CDH12: variants seen among roughly 807,000 people sequenced by gnomAD.
The protein encoded by CDH12 is cadherin-12.
Under a neutral mutation model 74.1 loss-of-function variants are expected in CDH12, and 41 were observed. The ratio of observed to expected loss-of-function variants is 0.55; its 90% confidence interval spans 0.43 to 0.72. The LOEUF is 0.72. Ranked by LOEUF, CDH12 falls within the 30% of genes least tolerant of loss-of-function variation. CDH12 has a pLI of 0.00. For missense variants in CDH12, 945 were observed against 977.2 expected, an observed-to-expected ratio of 0.97 and a Z score of 0.44; for synonymous variants, 399 against 355.0, an observed-to-expected ratio of 1.12 and a Z score of -1.39.
intron 3 of CDH12, among the ~76,000 whole-genome samples, chr5:22,369,895 G>A (rs1741202332): frequency 6.6e-6 from 1 of 152,056 alleles, no homozygotes; most frequent in South Asian, 2.1e-4. Context: ...GAAAATTTGT[G>A]ATCAATCACA....
chr5:22,639,041 A>G (rs1249767942), intron 1 of CDH12: 1 of 116,740 alleles, frequency 8.6e-6, no homozygotes. Flanking sequence ...TCAGAGTGAG[A>G]GTCCGCCTCA....
chr5:21,824,267 G>A (rs1232189027), intron 8 of CDH12, among the ~76,000 whole-genome samples: 1 of 152,000 alleles, frequency 6.6e-6, no homozygotes, highest in African/African-American at 2.4e-5. Context: ...AGGCAGCAAA[G>A]TTAGGAGGCT....
chr5:22,074,444 A>G (rs1031726492), intron 5 of CDH12, among the ~76,000 whole-genome samples: 2 of 152,192 alleles, frequency 1.3e-5, no homozygotes, highest in Non-Finnish European at 2.9e-5. Flanking sequence ...AATGGCAACA[A>G]AAGACAAAAT....
intron 3 of CDH12, among the ~76,000 whole-genome samples, chr5:22,363,847 G>A (rs930564752): frequency 2.6e-5 from 4 of 152,196 alleles, no homozygotes; most frequent in African/African-American, 2.4e-5. Context: ...CTGATCATCT[G>A]TTCTTAGATA....
Position 22,370,824 on chromosome 5 carries a change from T to C in CDH12, c.-333+34433A>G, listed in dbSNP as rs1409813806. Reference sequence around the variant, plus strand: ...CCAGGAGCTAGATAACCTGACCTGTTCTGCCTTCAACAGCAAAAAAATCAT... The same window carrying C: ...CCAGGAGCTAGATAACCTGACCTGTCCTGCCTTCAACAGCAAAAAAATCAT... On this transcript the variant is annotated intron_variant, in intron 3 of 14. Transcript: ENST00000382254. Among the ~76,000 whole-genome samples the C allele has an allele frequency of 3.3e-5, 5 of 152,260 alleles. No individual in the cohort carries two copies. In the East Asian group the frequency reaches 7.7e-4, roughly 24 times the overall value.
chr5:21,883,193 A>G (rs1579903076), intron 6 of CDH12: 3 of 1,429,172 alleles, frequency 2.1e-6, no homozygotes, highest in East Asian at 2.3e-5. Context: ...TCATCACAGT[A>G]AAGGATGGAA....
chr5:22,502,955 C>A (rs1259681182), intron 2 of CDH12, among the ~76,000 whole-genome samples: 2 of 152,056 alleles, frequency 1.3e-5, no homozygotes, highest in African/African-American at 4.8e-5. Flanking sequence ...ATATCCTCTT[C>A]TTTACATATT....
chr5:22,294,928 A>G (rs1267187639), intron 3 of CDH12, among the ~76,000 whole-genome samples: 1 of 152,190 alleles, frequency 6.6e-6, no homozygotes, highest in Non-Finnish European at 1.5e-5. Context: ...AATCCCTATG[A>G]AATGTAATCA....
intron 5 of CDH12, among the ~76,000 whole-genome samples, chr5:22,065,130 A>G (rs2150210161): frequency 6.6e-6 from 1 of 152,244 alleles, no homozygotes; most frequent in African/African-American, 2.4e-5. Flanking sequence ...TTACCTTGCA[A>G]GACTGCTGAG....
At chr5:22,768,476 G>A (rs1032616647) in intron 1 of CDH12, among the ~76,000 whole-genome samples, 3 of 152,060 alleles carry the variant, frequency 2.0e-5, no homozygotes, top group Non-Finnish European at 4.4e-5. Context: ...GGTTTAAGGT[G>A]TAGAATGTGA....
At chr5:22,522,945 T>C (rs1737118255) in intron 1 of CDH12, among the ~76,000 whole-genome samples, 1 of 152,174 alleles carries the variant, frequency 6.6e-6, no homozygotes, top group Admixed American at 6.6e-5. Context: ...AAAGAGTCTA[T>C]GTCCCTGGAC....
intron 10 of CDH12, among the ~76,000 whole-genome samples, chr5:21,783,971 A>T (rs976170471): frequency 2.0e-5 from 3 of 152,162 alleles, no homozygotes; most frequent in Non-Finnish European, 4.4e-5. Flanking sequence ...TTTTTAACTG[A>T]CAATTTGGTA....
intron 4 of CDH12, among the ~76,000 whole-genome samples, chr5:22,102,093 A>G (rs1744170315): frequency 6.6e-6 from 1 of 152,180 alleles, no homozygotes; most frequent in South Asian, 2.1e-4. Flanking sequence ...GAAAATATAT[A>G]TTTATAAAGT....
intron 6 of CDH12, among the ~76,000 whole-genome samples, chr5:21,886,057 C>T (rs532742617): frequency 1.3e-5 from 2 of 152,128 alleles, no homozygotes; most frequent in African/African-American, 4.8e-5. Flanking sequence ...TGGTTAAGCA[C>T]CATTTTTGTT....
intron 5 of CDH12, among the ~76,000 whole-genome samples, chr5:21,975,762 A>ATAGC (rs994410927): frequency 2.0e-5 from 3 of 152,166 alleles, no homozygotes; most frequent in Non-Finnish European, 4.4e-5. Context: ...AACCTCAGAT[A>ATAGC]TAGCAACAGG....
intron 9 of CDH12, among the ~76,000 whole-genome samples, chr5:21,804,911 T>C (rs1412205575): frequency 2.6e-5 from 4 of 152,142 alleles, no homozygotes; most frequent in Non-Finnish European, 4.4e-5. Context: ...ATGTGTAAGA[T>C]AGAAGCGTGC....
At chr5:22,311,503 A>G (rs1162032916) in intron 3 of CDH12, among the ~76,000 whole-genome samples, 1 of 151,938 alleles carries the variant, frequency 6.6e-6, no homozygotes, top group Non-Finnish European at 1.5e-5. Flanking sequence ...GGAGTTAGAG[A>G]CCAGCCTGAC....
intron 1 of CDH12, among the ~76,000 whole-genome samples, chr5:22,667,076 G>A (rs1249380912): frequency 6.6e-6 from 1 of 152,194 alleles, no homozygotes; most frequent in Non-Finnish European, 1.5e-5. Context: ...TACACAGAAT[G>A]TGTAAGAGGT....
intron 3 of CDH12, among the ~76,000 whole-genome samples, chr5:22,326,525 G>T (rs181737871): frequency 2.0e-5 from 3 of 152,170 alleles, no homozygotes; most frequent in Admixed American, 1.3e-4. Context: ...GTGAGCCACC[G>T]CGCCCGGCCT....
Sources: allele counts gnomAD v4.1 joint callset (sites outside exome capture counted in the v4.1 genomes callset), GRCh38; gene constraint gnomAD v4.1.1; transcripts MANE v1.5; gene names NCBI Gene and HGNC (gene_info 2026-07-23, HGNC 2026-07-21).